NPC1: variants seen among roughly 807,000 people sequenced by gnomAD.
The protein encoded by NPC1 is Niemann-Pick C1 protein.
In NPC1, 85 loss-of-function variants were observed where a neutral mutation model predicts 140.4. The observed-to-expected ratio is 0.61, with a 90% CI of 0.51 to 0.72. The LOEUF (loss-of-function observed/expected upper bound fraction) is 0.72. Among genes scored for constraint, NPC1 ranks in the 30% least tolerant of loss-of-function variants. The pLI, the probability that NPC1 is intolerant of heterozygous loss-of-function variation, is 0.00. For synonymous variants in NPC1, 656 were observed against 624.8 expected, an observed-to-expected ratio of 1.05 and a Z score of -0.74; for missense variants, 1,504 against 1,623.8, an observed-to-expected ratio of 0.93 and a Z score of 1.27.
chr18:23,557,022 A>G (rs1226731374), intron 7 of NPC1, 95 bp downstream of exon 7: 2 of 1,027,602 alleles, frequency 1.9e-6, no homozygotes, highest in Non-Finnish European at 3.0e-6. Flanking sequence ...CTGGCACACC[A>G]CCTCACCCAC....
chr18:23,555,021 C>T, intron 8 of NPC1, 37 bp from the exon 9 acceptor site: 1 of 1,297,092 alleles, frequency 7.7e-7, no homozygotes, highest in Non-Finnish European at 1.1e-6. Context: ...AACCCAGAAA[C>T]ACGTCACATT....
At chr18:23,565,513 GC>G (rs1389163994) in intron 4 of NPC1, among the ~76,000 whole-genome samples, 1 of 151,954 alleles carries the variant, frequency 6.6e-6, no homozygotes, top group African/African-American at 2.4e-5. Context: ...GCGCCACCAC[GC>G]CCAGCTAATT....
intron 1 of NPC1, chr18:23,576,474 G>A: frequency 1.0e-6 from 1 of 986,254 alleles, no homozygotes; most frequent in Non-Finnish European, 1.2e-6. Flanking sequence ...AGGACCCAAA[G>A]ACTTACAAAG....
chr18:23,538,339 C>T (rs984592155), intron 20 of NPC1, among the ~76,000 whole-genome samples: 2 of 152,160 alleles, frequency 1.3e-5, no homozygotes, highest in Admixed American at 6.5e-5. Flanking sequence ...TGAATGCCCA[C>T]GCTAAGACAG....
intron 3 of NPC1, 59 bp downstream of exon 3, chr18:23,572,015 G>C: frequency 1.0e-6 from 1 of 979,016 alleles, no homozygotes; most frequent in Non-Finnish European, 1.6e-6. Flanking sequence ...GGAAAGCTGA[G>C]CATTACCAGT....
At chr18:23,517,567 C>G (rs562967473), downstream of NPC1, among the ~76,000 whole-genome samples, 6 of 152,150 alleles carry the variant, frequency 3.9e-5, no homozygotes, top group African/African-American at 9.7e-5. Flanking sequence ...GTATCTGATT[C>G]GACAATAGTC....
At position 23,554,961 on chromosome 18, in the gene NPC1, G is replaced by C. The variant is rs368945671; in HGVS notation, c.1350C>G (p.Ile450Met). 1.9e-6 allele frequency: 3 copies of C among 1,612,792 alleles called. No individual in the cohort carries two copies. In the South Asian group the frequency reaches 3.3e-5, roughly 18 times the overall value. The change falls in exon 9 of 25, where the codon ATC (isoleucine) becomes ATG (methionine). Residue 450 changes from isoleucine to methionine, a missense_variant. Transcript: ENST00000269228. ...TGTCATAAGAGGCAGTAATGTTTTC[G>C]ATGGCTATTTGTAAGTCAAGAACCT... ...LHQVLDLQIAIENITASYDNE... is the reference protein window; with the variant it reads ...LHQVLDLQIAMENITASYDNE...
intron 3 of NPC1, among the ~76,000 whole-genome samples, chr18:23,571,073 G>A (rs574611095): frequency 5.3e-5 from 8 of 152,156 alleles, no homozygotes; most frequent in Non-Finnish European, 7.3e-5. Flanking sequence ...GAGCCTGGCC[G>A]CAGTGCAGAC....
chr18:23,530,367 C>T (rs930219241), downstream of NPC1: 2 of 1,614,002 alleles, frequency 1.2e-6, no homozygotes, highest in Non-Finnish European at 8.5e-7. Flanking sequence ...CTGACCTGGA[C>T]TTCTCTCCCT....
intron 3 of NPC1, chr18:23,506,945 A>G (rs962246393): frequency 6.6e-6 from 10 of 1,510,032 alleles, no homozygotes; most frequent in Admixed American, 5.3e-5. Flanking sequence ...TTATTTAACT[A>G]CTAACACAAT....
Position 23,531,938 on chromosome 18 carries a change from T to A in NPC1, c.*264A>T. ...ACATTCACAGCCATCTAGTGTCACC[T>A]CCTGCTTGCCAAAGAATGAGGTTTC... On this transcript the variant is annotated 3_prime_UTR_variant, in exon 25 of 25. Coordinates refer to ENST00000269228, the MANE Select transcript of NPC1 (RefSeq NM_000271.5). 6.9e-7 allele frequency: 1 copy of A among 1,444,648 alleles called. No individual in the cohort carries two copies. The highest frequency in any genetic ancestry group is 9.0e-7 in the Non-Finnish European group (1 of 1,106,622). The allele number at this position is 1,444,648 out of a possible 1,614,324, so 89.5% of individuals were successfully genotyped here.
At chr18:23,531,187 T>C (rs995270014), downstream of NPC1, among the ~76,000 whole-genome samples, 2 of 152,046 alleles carry the variant, frequency 1.3e-5, no homozygotes, top group Non-Finnish European at 1.5e-5. Context: ...GATGGGGTTT[T>C]ACTATATTGT....
intron 3 of NPC1, among the ~76,000 whole-genome samples, chr18:23,571,468 C>T (rs971684513): frequency 1.3e-5 from 2 of 151,972 alleles, no homozygotes; most frequent in Non-Finnish European, 2.9e-5. Flanking sequence ...ACCAGCCTGG[C>T]CAACATGGTG....
chr18:23,526,519 A>C, downstream of NPC1: 1 of 1,215,836 alleles, frequency 8.2e-7, no homozygotes, highest in Non-Finnish European at 1.1e-6. Context: ...CACTGACTGT[A>C]CTTTGCGGCT....
downstream of NPC1, chr18:23,527,664 G>GTATTGTAGTTCT: frequency 3.3e-6 from 2 of 607,866 alleles, no homozygotes; most frequent in Non-Finnish European, 6.0e-6. Flanking sequence ...GGTCTTTAAA[G>GTATTGTAGTTCT]TAGAGTGTCC....
chr18:23,530,550 C>T (rs1274093021), downstream of NPC1: 2 of 1,614,200 alleles, frequency 1.2e-6, no homozygotes, highest in South Asian at 1.1e-5. Context: ...CTTTTCTATA[C>T]AATATTCCGC....
intron 1 of NPC1, among the ~76,000 whole-genome samples, chr18:23,578,032 G>A (rs1408591279): frequency 1.3e-5 from 2 of 152,194 alleles, no homozygotes; most frequent in East Asian, 3.9e-4. Context: ...CTCCCTGCAA[G>A]CTGAGGGAGT....
Position 23,556,568 on chromosome 18 carries a change from C to G in NPC1, c.1001G>C (p.Cys334Ser), listed in dbSNP as rs199693280. ...CCAGCGTGTGAACAGCCGCCTCAAG[C>G]AGCCCTCAAATGCTGCGCTGACAGG... ...CDPVSAAFEG[C>S]LRRLFTRWGS... The change falls in exon 8 of 25, where the codon TGC (cysteine) becomes TCC (serine). Residue 334 changes from cysteine to serine, a missense_variant. Physicochemically the swap from Cys to Ser is moderately radical, Grantham distance 112 (BLOSUM62 -1). Transcript: ENST00000269228. 2.0e-5 allele frequency: 33 copies of G among 1,614,020 alleles called. No individual in the cohort carries two copies. Among genetic ancestry groups the G allele is most frequent in the South Asian group, 4.4e-5 (4 of 91,076 alleles).
chr18:23,530,070 A>C (rs377450770), downstream of NPC1: 1 of 1,614,234 alleles, frequency 6.2e-7, no homozygotes, highest in Non-Finnish European at 8.5e-7. Context: ...TGTCCAGCAC[A>C]ACCTCTTTTA....
Sources: gnomAD v4.1 joint callset for allele counts (sites outside exome capture counted in the v4.1 genomes callset) on GRCh38, gnomAD v4.1.1 for gene constraint, MANE v1.5 for transcripts, NCBI Gene and HGNC (gene_info 2026-07-23, HGNC 2026-07-21) for gene names.